The following DPH6 variants were observed in gnomAD, a reference collection of about 807,000 sequenced individuals.
DPH6 encodes the protein diphthine--ammonia ligase.
A neutral mutation model predicts 38.2 loss-of-function variants in DPH6; 33 were observed. The ratio of observed to expected loss-of-function variants is 0.86; its 90% confidence interval spans 0.65 to 1.15. The LOEUF is 1.15. Among genes scored for constraint, DPH6 ranks in the 50% most tolerant of loss-of-function variants. The probability of loss-of-function intolerance (pLI) is 0.00; values close to 1 mark genes in which losing one functional copy is unlikely to be tolerated. For synonymous variants in DPH6, 108 were observed against 103.0 expected (o/e 1.05, Z -0.30); for missense variants, 325 against 320.0 (o/e 1.02, Z -0.12).
chr15:35,447,434 C>G (rs990351641), intron 5 of DPH6, among the ~76,000 whole-genome samples: 1 of 151,126 alleles, frequency 6.6e-6, no homozygotes, highest in Admixed American at 6.6e-5. Context: ...ATCTCTTATA[C>G]GTCCCCCCCC....
At chr15:35,376,431 A>G (rs1051183650) in intron 7 of DPH6, among the ~76,000 whole-genome samples, 5 of 152,146 alleles carry the variant, frequency 3.3e-5, no homozygotes, top group African/African-American at 4.8e-5. Flanking sequence ...CGGTGGTGCC[A>G]TAAGATCATA....
rs1233704960 is a variant in DPH6, at chr15:35,401,305, G to A, written c.567+9530C>T. The A allele has an allele frequency of 1.2e-5, 10 of 831,146 alleles. No individual in the cohort carries two copies. The African/African-American group carries it at 1.7e-4, about 14-fold the overall frequency. 51.5% of individuals were successfully genotyped at this position (831,146 alleles called of 1,614,324 possible). ...CGGTGGGAATGACAACTTTGGTAGT[G>A]GAGGAAACTTCAGTGATCATGGTGG... is the stretch of plus-strand genomic sequence containing the variant. On this transcript the variant is annotated intron_variant, in intron 6 of 8. Transcript: ENST00000256538.
At chr15:35,473,957 TGCGC>T (rs1191722971) in intron 3 of DPH6, among the ~76,000 whole-genome samples, 746 of 38,426 alleles carry the variant, frequency 0.019, 6 homozygotes, top group Middle Eastern at 0.13. Flanking sequence ...TGTGTGTGTG[TGCGC>T]GCGCGCGCGT....
the DPH6 span, among the ~76,000 whole-genome samples, chr15:35,185,652 A>G: frequency 6.6e-6 from 1 of 151,442 alleles, no homozygotes; most frequent in African/African-American, 2.4e-5. Flanking sequence ...AAAATTTTCG[A>G]GCGTAGAAGG....
chr15:35,150,397 G>C, the DPH6 span, among the ~76,000 whole-genome samples: 4 of 152,306 alleles, frequency 2.6e-5, no homozygotes, highest in African/African-American at 9.6e-5. Context: ...TAGACAGTAA[G>C]AATTTATATG....
the DPH6 span, among the ~76,000 whole-genome samples, chr15:35,190,619 C>T: frequency 6.6e-6 from 1 of 152,180 alleles, no homozygotes; most frequent in Non-Finnish European, 1.5e-5. Context: ...AATCTTGCAG[C>T]CTCTGGCTGC....
the DPH6 span, among the ~76,000 whole-genome samples, chr15:35,210,995 G>T: frequency 9.5e-6 from 1 of 105,552 alleles, no homozygotes; most frequent in African/African-American, 3.7e-5. Context: ...CTCTATAATT[G>T]GACATAAGTG....
At chr15:35,193,633 G>C in the DPH6 span, among the ~76,000 whole-genome samples, 10 of 152,262 alleles carry the variant, frequency 6.6e-5, no homozygotes, top group Admixed American at 2.6e-4. Context: ...GTATTTCTCA[G>C]ATGAAGATAT....
At chr15:35,352,642 G>C (rs1287425425) in intron 3 of DPH6, among the ~76,000 whole-genome samples, 1 of 152,140 alleles carries the variant, frequency 6.6e-6, no homozygotes, top group African/African-American at 2.4e-5. Context: ...AGTATTCCAT[G>C]GTGTATATGT....
intron 3 of DPH6, among the ~76,000 whole-genome samples, chr15:35,488,580 A>C (rs573628385): frequency 4.6e-5 from 7 of 151,786 alleles, no homozygotes; most frequent in Admixed American, 3.3e-4. Flanking sequence ...AGCATGGGGG[A>C]AATCACCCCC....
intron 3 of DPH6, among the ~76,000 whole-genome samples, chr15:35,293,296 T>C (rs2051991770): frequency 6.6e-6 from 1 of 152,238 alleles, no homozygotes; most frequent in Non-Finnish European, 1.5e-5. Context: ...CTCTTTCTCA[T>C]ATCTCATAAT....
the DPH6 span, among the ~76,000 whole-genome samples, chr15:35,154,457 A>G: frequency 2.0e-5 from 3 of 152,198 alleles, no homozygotes; most frequent in African/African-American, 7.2e-5. Context: ...TAAATTCATT[A>G]TGCATGTAGC....
intron 3 of DPH6, among the ~76,000 whole-genome samples, chr15:35,341,968 G>A (rs867232534): frequency 6.6e-6 from 1 of 152,194 alleles, no homozygotes; most frequent in Non-Finnish European, 1.5e-5. Context: ...GGCTGGAATG[G>A]CTGACTGGAC....
chr15:35,146,881 C>T, the DPH6 span, among the ~76,000 whole-genome samples: 3 of 152,120 alleles, frequency 2.0e-5, no homozygotes, highest in African/African-American at 7.2e-5. Context: ...TCCTGATGTC[C>T]TACTATCAAG....
chr15:35,199,764 G>A, the DPH6 span, among the ~76,000 whole-genome samples: 5 of 151,926 alleles, frequency 3.3e-5, no homozygotes, highest in Non-Finnish European at 7.4e-5. Flanking sequence ...GCTTTTGGTG[G>A]GAAAAGTACC....
chr15:35,201,222 T>C, the DPH6 span, among the ~76,000 whole-genome samples: 1 of 151,632 alleles, frequency 6.6e-6, no homozygotes, highest in Non-Finnish European at 1.5e-5. Context: ...TAGCAAAATC[T>C]TATATTATCC....
intron 3 of DPH6, among the ~76,000 whole-genome samples, chr15:35,490,963 A>G (rs1358430205): frequency 1.3e-5 from 2 of 152,154 alleles, no homozygotes; most frequent in Non-Finnish European, 2.9e-5. Flanking sequence ...GAAATACATG[A>G]GAAACAGAGA....
intron 3 of DPH6, among the ~76,000 whole-genome samples, chr15:35,460,322 T>C (rs1595383799): frequency 6.6e-6 from 1 of 152,344 alleles, no homozygotes; most frequent in East Asian, 1.9e-4. Context: ...AATTACATTC[T>C]TGTCATGAAG....
intron 3 of DPH6, among the ~76,000 whole-genome samples, chr15:35,478,366 T>TAA (rs1163175483): frequency 7.0e-6 from 1 of 142,062 alleles, no homozygotes; most frequent in Non-Finnish European, 1.5e-5. Flanking sequence ...TACCCACACA[T>TAA]ACACACACAC....
Sources: allele counts gnomAD v4.1 joint callset (sites outside exome capture counted in the v4.1 genomes callset), GRCh38; gene constraint gnomAD v4.1.1; transcripts MANE v1.5; gene names NCBI Gene and HGNC (gene_info 2026-07-23, HGNC 2026-07-21).